Variants in TXNDC16 observed in about 807,000 individuals in gnomAD.
TXNDC16 encodes the protein thioredoxin domain-containing protein 16.
In TXNDC16, 74 loss-of-function variants were observed where a neutral mutation model predicts 85.6. The observed-to-expected ratio is 0.86, with a 90% CI of 0.72 to 1.05. The LOEUF is 1.05. Among genes scored for constraint, TXNDC16 ranks in the 50% least tolerant of loss-of-function variants. The pLI, the probability that TXNDC16 is intolerant of heterozygous loss-of-function variation, is 0.00. For synonymous variants in TXNDC16, 335 were observed against 326.5 expected (o/e 1.03, Z -0.28); for missense variants, 959 against 947.0 (o/e 1.01, Z -0.17).
chr14:52,453,590 A>G (rs1440266378), intron 18 of TXNDC16, among the ~76,000 whole-genome samples: 1 of 152,258 alleles, frequency 6.6e-6, no homozygotes, highest in African/African-American at 2.4e-5. Context: ...AAAGACAAAA[A>G]GCACATGTTC....
chr14:52,494,805 C>G (rs1386081332), intron 9 of TXNDC16, among the ~76,000 whole-genome samples: 2 of 152,132 alleles, frequency 1.3e-5, no homozygotes, highest in Admixed American at 6.5e-5. Flanking sequence ...AAATTACATG[C>G]AGGAAGATGT....
intron 18 of TXNDC16, among the ~76,000 whole-genome samples, chr14:52,441,601 T>C (rs1314242415): frequency 1.3e-5 from 2 of 148,548 alleles, no homozygotes; most frequent in African/African-American, 5.0e-5. Context: ...AGAGTGAGAC[T>C]CTCAAAAAAA....
At chr14:52,535,162 G>T (rs535597200) in intron 6 of TXNDC16, among the ~76,000 whole-genome samples, 3 of 152,076 alleles carry the variant, frequency 2.0e-5, no homozygotes, top group Non-Finnish European at 4.4e-5. Context: ...GGTATCCACC[G>T]GAAAAACAGC....
intron 9 of TXNDC16, among the ~76,000 whole-genome samples, chr14:52,496,730 C>A (rs559424637): frequency 6.6e-6 from 1 of 151,950 alleles, no homozygotes; most frequent in African/African-American, 2.4e-5. Context: ...CCACCTCAGC[C>A]TCCCAAGTAG....
chr14:52,488,831 G>GGAA (rs1336603891), intron 11 of TXNDC16, among the ~76,000 whole-genome samples: 5 of 89,958 alleles, frequency 5.6e-5, no homozygotes, highest in Non-Finnish European at 1.1e-4. Context: ...GAGACTCTGG[G>GGAA]AAAAAAAAAA....
intron 9 of TXNDC16, among the ~76,000 whole-genome samples, chr14:52,496,430 T>G (rs1216094631): frequency 1.3e-5 from 2 of 151,422 alleles, no homozygotes; most frequent in Non-Finnish European, 2.9e-5. Context: ...TTTTTTTTTT[T>G]TTTTTTTAAA....
chr14:52,455,687 G>A (rs1199887868), intron 17 of TXNDC16, among the ~76,000 whole-genome samples: 1 of 152,008 alleles, frequency 6.6e-6, no homozygotes, highest in Non-Finnish European at 1.5e-5. Flanking sequence ...AAAGCAACAA[G>A]GCAGTAATCT....
intron 8 of TXNDC16, 37 bp downstream of exon 8, chr14:52,514,843 A>G: frequency 6.6e-7 from 1 of 1,509,844 alleles, no homozygotes. Flanking sequence ...AGAAAAAAAA[A>G]ACCTTTAAAT....
At chr14:52,530,244 T>TATATTATGTA (rs1566581765) in intron 6 of TXNDC16, among the ~76,000 whole-genome samples, 34 of 52,824 alleles carry the variant, frequency 6.4e-4, no homozygotes, top group African/African-American at 3.3e-3. Flanking sequence ...TATAATAATA[T>TATATTATGTA]ATAATATATA....
intron 6 of TXNDC16, among the ~76,000 whole-genome samples, chr14:52,521,337 G>A (rs1250954491): frequency 1.3e-5 from 2 of 149,672 alleles, no homozygotes; most frequent in Admixed American, 6.7e-5. Flanking sequence ...TGGCCAGGCT[G>A]GTCTCAAACT....
At chr14:52,437,070 T>C (rs1004024190) in intron 20 of TXNDC16, among the ~76,000 whole-genome samples, 9 of 152,046 alleles carry the variant, frequency 5.9e-5, no homozygotes, top group Non-Finnish European at 1.2e-4. Context: ...TTGCCACAAC[T>C]ATGTATAAAT....
chr14:52,467,604 T>C (rs1173874026), intron 16 of TXNDC16, among the ~76,000 whole-genome samples: 1 of 152,152 alleles, frequency 6.6e-6, no homozygotes, highest in Non-Finnish European at 1.5e-5. Flanking sequence ...TAACGAATAT[T>C]GGCAAGGATG....
At chr14:52,530,316 ATAAT>A (rs1400592154) in intron 6 of TXNDC16, among the ~76,000 whole-genome samples, 6 of 57,200 alleles carry the variant, frequency 1.0e-4, no homozygotes, top group African/African-American at 4.3e-4. Context: ...TATATAATAT[ATAAT>A]TATTTTTATA....
chr14:52,549,947 T>G (rs550401052), intron 1 of TXNDC16, among the ~76,000 whole-genome samples: 1 of 152,308 alleles, frequency 6.6e-6, no homozygotes, highest in African/African-American at 2.4e-5. Context: ...CAAACAGTTC[T>G]GCTTTTAAAT....
At chr14:52,481,650 C>A (rs1490114290) in intron 14 of TXNDC16, among the ~76,000 whole-genome samples, 1 of 152,138 alleles carries the variant, frequency 6.6e-6, no homozygotes, top group East Asian at 1.9e-4. Context: ...TAACAGGCCT[C>A]CCTCATTTTC....
chr14:52,541,382 G>C (rs1396663235), intron 4 of TXNDC16, among the ~76,000 whole-genome samples: 1 of 152,114 alleles, frequency 6.6e-6, no homozygotes, highest in East Asian at 1.9e-4. Flanking sequence ...TATCCCTTTT[G>C]AGTTTCCTAC....
rs573391648 is a variant in TXNDC16 at position 52,522,700 on chromosome 14, C to T, written c.393-3407G>A. 4.3e-4 allele frequency among the ~76,000 whole-genome samples: 65 copies of T among 152,304 alleles called. 1 individual carries two copies. The South Asian group carries it at 4.4e-3, about 10-fold the overall frequency. On this transcript the variant is annotated intron_variant, in intron 6 of 20. Transcript: ENST00000281741. ...TCTGTGTCATAATTTTCACTGTATGCAGAGCTGTCTAACCTTTGAGTCCAG... is the reference window on the plus strand; with the variant it reads ...TCTGTGTCATAATTTTCACTGTATGTAGAGCTGTCTAACCTTTGAGTCCAG...
intron 18 of TXNDC16, among the ~76,000 whole-genome samples, chr14:52,449,754 TTC>T (rs1303536002): frequency 6.6e-6 from 1 of 152,090 alleles, no homozygotes; most frequent in Non-Finnish European, 1.5e-5. Flanking sequence ...ATCAAGCATC[TTC>T]TCTCACCACA....
chr14:52,430,763 TTA>T lies in TXNDC16; in HGVS notation c.*1539_*1540del, dbSNP rs2034873476. On this transcript the variant is annotated 3_prime_UTR_variant, in exon 21 of 21. Transcript: ENST00000281741. ...GATGTTTTATTACTACAACCTATAT[TTA>T]GAGTTCACTCTCATTGTTCCCATAT... 1 of 152,204 alleles carries T rather than the reference TTA, an allele frequency of 6.6e-6. No homozygotes were observed. The highest frequency in any genetic ancestry group is 2.4e-5 in the African/African-American group (1 of 41,428). 9.4% of individuals were successfully genotyped at this position (152,204 alleles called of 1,614,324 possible).
Sources: allele counts gnomAD v4.1 joint callset (sites outside exome capture counted in the v4.1 genomes callset), GRCh38; gene constraint gnomAD v4.1.1; transcripts MANE v1.5; gene names NCBI Gene and HGNC (gene_info 2026-07-23, HGNC 2026-07-21).